MFN2: variants seen among roughly 807,000 people sequenced by gnomAD.
MFN2 encodes mitofusin 2.
In MFN2, 43 loss-of-function variants were observed where a neutral mutation model predicts 87.5. That is an observed-to-expected ratio of 0.49 (90% CI 0.38 to 0.63). MFN2 has a LOEUF of 0.63. Among genes scored for constraint, MFN2 ranks in the 30% least tolerant of loss-of-function variants. MFN2 has a pLI of 0.00. For synonymous variants in MFN2, 337 were observed against 359.9 expected (o/e 0.94, Z 0.72); for missense variants, 743 against 972.8 (o/e 0.76, Z 3.14).
Position 12,004,833 on chromosome 1 carries a change from C to T in MFN2, c.1401C>T (p.His467=). 6.2e-7 allele frequency: 1 copy of T among 1,613,872 alleles called. No homozygotes were observed. The highest frequency in any genetic ancestry group is 1.1e-5 in the South Asian group (1 of 91,030). Reference sequence around the variant, plus strand: ...CCCTCTTCTGGTGGCAGGAGCTGCACCGCCACATAGAGGAAGGACTGGGTC... The same window carrying T: ...CCCTCTTCTGGTGGCAGGAGCTGCATCGCCACATAGAGGAAGGACTGGGTC... The part of the protein sequence containing the change: ...VVLKVYKNEL[H]RHIEEGLGRN... Residue 467 remains histidine, a synonymous_variant, in exon 14 of 19, where the codon CAC becomes CAT. Coordinates refer to ENST00000235329, the MANE Select transcript of MFN2 (RefSeq NM_014874.4). The surrounding 1 kb of genome is among the most constrained non-coding windows in gnomAD (Gnocchi z 4.2).
rs1639291028 is a variant in MFN2, at chr1:12,003,966, A to T, written c.1161-26A>T. On this transcript the variant is annotated intron_variant, in intron 11 of 18. Coordinates refer to ENST00000235329, the MANE Select transcript of MFN2 (RefSeq NM_014874.4). The surrounding 1 kb of genome is among the most constrained non-coding windows in gnomAD (Gnocchi z 4.1). The stretch of plus-strand genomic sequence containing the variant: ...TCTGCTTAGTCAGACAGGAACATGG[A>T]TTTCTCACCAGTACTCTGCTTTCAG... 6.2e-7 allele frequency: 1 copy of T among 1,614,102 alleles called. No homozygotes were observed. The highest frequency in any genetic ancestry group is 8.5e-7 in the Non-Finnish European group (1 of 1,179,982).
rs41278630 is a variant in MFN2 at position 12,001,476 on chromosome 1, G to A, written c.892G>A (p.Gly298Arg). Reference sequence around the variant, plus strand: ...GGGCGTGGTGGATCGATCCCAGGCCGGGGACCGCATCTTCTTTGTGTCTGC... The same window carrying A: ...GGGCGTGGTGGATCGATCCCAGGCCAGGGACCGCATCTTCTTTGTGTCTGC... ...ELGVVDRSQA[G>R]DRIFFVSAKE... Residue 298 changes from glycine (G) to arginine (R), a missense_variant, in exon 9 of 19, where the codon GGG becomes AGG. Coordinates refer to ENST00000235329, the MANE Select transcript of MFN2 (RefSeq NM_014874.4). 6,225 of 1,614,002 alleles carry A rather than the reference G, an allele frequency of 3.9e-3. 18 individuals are homozygous for A. Among genetic ancestry groups the A allele is most frequent in the Non-Finnish European group, 4.8e-3 (5,649 of 1,179,952 alleles).
Position 12,001,246 on chromosome 1 carries a change from C to A in MFN2, c.817-155C>A, listed in dbSNP as rs555129546. Among the ~76,000 whole-genome samples the A allele has an allele frequency of 4.6e-5, 7 of 152,334 alleles. No individual in the cohort carries two copies. The East Asian group carries it at 1.3e-3, about 29-fold the overall frequency. The stretch of plus-strand genomic sequence containing the variant: ...CAGGCTGGTCTTGAACTCCCGACCT[C>A]AAGTGATCCACCTGCCTTGGCTTCC... On this transcript the variant is annotated intron_variant, in intron 8 of 18. Transcript: ENST00000235329.
In MFN2 at chr1:11,995,643, A is replaced by G. The variant is rs79134168; in HGVS notation, c.312-513A>G. On this transcript the variant is annotated intron_variant, in intron 4 of 18. Transcript: ENST00000235329. ...GTGAGACTCTGTCTCAAATAACAATAAAAAAAAAAAGAATGAGAAAGTAAC... is the reference window on the plus strand; with the variant it reads ...GTGAGACTCTGTCTCAAATAACAATGAAAAAAAAAAGAATGAGAAAGTAAC... 2.6e-3 allele frequency among the ~76,000 whole-genome samples: 365 copies of G among 139,640 alleles called. 7 individuals carry two copies. In the East Asian group the frequency reaches 0.042, roughly 16 times the overall value. The allele number at this position is 139,640 out of a possible 152,430, so 91.6% of individuals were successfully genotyped here. A position where few individuals can be genotyped will look rare whatever the true frequency, so the allele number is the denominator to read the frequency against.
At chr1:11,997,208 C>T (rs1638950292) in intron 5 of MFN2, 89 bp from the exon 6 acceptor site, 10 of 1,588,630 alleles carry the variant, frequency 6.3e-6, no homozygotes, top group South Asian at 2.2e-5. Context: ...GCAGCATTCC[C>T]AGCCACTGTG....
chr1:12,004,834 C>T lies in MFN2; in HGVS notation c.1402C>T (p.Arg468Cys), dbSNP rs746852710. The change falls in exon 14 of 19, where the codon CGC becomes TGC. Residue 468 changes from arginine to cysteine, a missense_variant. Physicochemically the swap from Arg to Cys is radical, Grantham distance 180. Transcript: ENST00000235329. This position sits in a 1 kb window ranked among gnomAD's most constrained non-coding sequence, Gnocchi z 4.2. ...VLKVYKNELH[R>C]HIEEGLGRNM... ...CCTCTTCTGGTGGCAGGAGCTGCACCGCCACATAGAGGAAGGACTGGGTCG... is the reference window on the plus strand; with the variant it reads ...CCTCTTCTGGTGGCAGGAGCTGCACTGCCACATAGAGGAAGGACTGGGTCG... The T allele has an allele frequency of 1.6e-5, 26 of 1,613,616 alleles. No individual in the cohort carries two copies. Among genetic ancestry groups the T allele is most frequent in the Admixed American group, 5.0e-5 (3 of 59,982 alleles).
chr1:11,996,098 T>G, intron 4 of MFN2, 58 bp from the exon 5 acceptor site: 1 of 1,610,740 alleles, frequency 6.2e-7, no homozygotes, highest in Non-Finnish European at 8.5e-7. Flanking sequence ...ATCTGCGTTG[T>G]GAAAGTAATT....
At position 12,002,146 on chromosome 1, in the gene MFN2, A is replaced by T. The variant is rs747066061; in HGVS notation, c.1160+43A>T. 7.4e-6 allele frequency: 12 copies of T among 1,613,758 alleles called. No homozygotes were observed. The South Asian group carries it at 1.2e-4, about 16-fold the overall frequency. ...CAGATAGGTGGAGAGAGCTGCCGAG[A>T]CAAGGGTGCTCCACCCCTGCCTTGG... On this transcript the variant is annotated intron_variant, in intron 11 of 18. Transcript: ENST00000235329.
chr1:12,008,984 G>T (rs1231893686), intron 17 of MFN2, among the ~76,000 whole-genome samples: 1 of 152,226 alleles, frequency 6.6e-6, no homozygotes, highest in Non-Finnish European at 1.5e-5. Flanking sequence ...GATCACTGCC[G>T]GTTAGGAGCT....
rs1259885762 is a variant in MFN2, at chr1:11,997,277, T to C, written c.475-20T>C. 2 of 1,613,932 alleles carry C rather than the reference T, an allele frequency of 1.2e-6. No individual in the cohort carries two copies. The highest frequency in any genetic ancestry group is 2.2e-5 in the South Asian group (2 of 91,092). On this transcript the variant is annotated intron_variant, in intron 5 of 18. Transcript: ENST00000235329. ...TGGTGGTTCCTCCTCAGCCTCTTTC[T>C]TTCCTTCCTCTGCCATCAGACTGTG...
At chr1:11,988,084 T>TGTGTG (rs1553140706) in intron 2 of MFN2, among the ~76,000 whole-genome samples, 71,013 of 144,054 alleles carry the variant, frequency 0.49, 17,384 homozygotes, top group Non-Finnish European at 0.55. Context: ...CCAATAGTTT[T>TGTGTG]TGTGTGTGTG....
At chr1:12,009,476 A>C in intron 17 of MFN2, 116 bp from the exon 18 acceptor site, 1 of 1,445,812 alleles carries the variant, frequency 6.9e-7, no homozygotes, top group Non-Finnish European at 9.7e-7. Context: ...GGCTCAGGGC[A>C]GAGCTGCTGG....
chr1:12,000,187 A>G (rs892371523), intron 8 of MFN2, among the ~76,000 whole-genome samples: 1 of 152,060 alleles, frequency 6.6e-6, no homozygotes, highest in African/African-American at 2.4e-5. Flanking sequence ...AGTAGGCCAG[A>G]GTCCAAATTA....
chr1:12,007,396 C>A, intron 17 of MFN2, 147 bp downstream of exon 17: 1 of 1,029,836 alleles, frequency 9.7e-7, no homozygotes, highest in Non-Finnish European at 1.5e-6. Context: ...GCAGGGCCAG[C>A]TTTGAGGCCA....
chr1:11,989,050 G>A, intron 2 of MFN2, 115 bp from the exon 3 acceptor site: 2 of 1,154,678 alleles, frequency 1.7e-6, no homozygotes, highest in Non-Finnish European at 1.3e-6. Context: ...CCTGGAGGTT[G>A]CAGTGACCTG....
chr1:11,992,705 C>T lies in MFN2; in HGVS notation c.311+15C>T, dbSNP rs776066181. Reference sequence around the variant, plus strand: ...TTTTTTGGCCGGTAAGTCCTTGAGGCACCCACCCTTTCTTTCTTCCTGGCT... The same window carrying T: ...TTTTTTGGCCGGTAAGTCCTTGAGGTACCCACCCTTTCTTTCTTCCTGGCT... On this transcript the variant is annotated intron_variant, in intron 4 of 18. Transcript: ENST00000235329. 4 of 1,614,204 alleles carry T rather than the reference C, an allele frequency of 2.5e-6. No individual in the cohort carries two copies. In the East Asian group the frequency reaches 8.9e-5, roughly 36 times the overall value.
chr1:11,989,461 A>G lies in MFN2; in HGVS notation c.175+118A>G, dbSNP rs190056917. ...AGGGAAGTCATAACCAGATAGCCTT[A>G]GAAATGCTCTGCTCTTGAAATCATG... On this transcript the variant is annotated intron_variant, in intron 3 of 18. Coordinates refer to ENST00000235329, the MANE Select transcript of MFN2 (RefSeq NM_014874.4). 140 of 1,156,496 alleles carry G rather than the reference A, an allele frequency of 1.2e-4. No individual in the cohort carries two copies. The African/African-American group carries it at 1.8e-3, about 15-fold the overall frequency. The allele number at this position is 1,156,496 out of a possible 1,614,324, so 71.6% of individuals were successfully genotyped here.
At chr1:11,983,061 T>G (rs1422414135) in intron 2 of MFN2, among the ~76,000 whole-genome samples, 4 of 152,018 alleles carry the variant, frequency 2.6e-5, no homozygotes, top group Non-Finnish European at 5.9e-5. Flanking sequence ...GTTTGTTTGT[T>G]TTTTGTTTTT....
rs190463430 is a variant in MFN2 at position 12,001,676 on chromosome 1, T to C, written c.971-93T>C. 2.3e-5 allele frequency: 36 copies of C among 1,592,194 alleles called. No homozygotes were observed. In the East Asian group the frequency reaches 7.8e-4, roughly 35 times the overall value. ...GATGCTGAGAAGAGCAGAGAGGCTC[T>C]TGCTCTTTAGCCAGTGGCTTGGTTT... On this transcript the variant is annotated intron_variant, in intron 9 of 18. Transcript: ENST00000235329.
Sources: allele counts gnomAD v4.1 joint callset (sites outside exome capture counted in the v4.1 genomes callset), GRCh38; gene constraint gnomAD v4.1.1; non-coding constraint Gnocchi (gnomAD v3.1); transcripts MANE v1.5; gene names NCBI Gene and HGNC (gene_info 2026-07-23, HGNC 2026-07-21).